TOX: variants seen among roughly 807,000 people sequenced by gnomAD.
TOX encodes the protein thymocyte selection-associated high mobility group box protein TOX.
In TOX, 11 loss-of-function variants were observed where a neutral mutation model predicts 53.7. That is an observed-to-expected ratio of 0.20 (90% confidence interval 0.13 to 0.34). The LOEUF is 0.34. TOX is among the 10% of genes least tolerant of loss of function. The pLI is 1.00. For missense variants in TOX, 570 were observed against 664.6 expected (o/e 0.86, Z 1.56); for synonymous variants, 225 against 245.3 (o/e 0.92, Z 0.77).
chr8:59,055,063 G>A (rs987503060), intron 1 of TOX, among the ~76,000 whole-genome samples: 2 of 152,136 alleles, frequency 1.3e-5, no homozygotes, highest in Non-Finnish European at 2.9e-5. Flanking sequence ...CATTGTAGTA[G>A]CTTACAGTTT....
chr8:58,807,718 C>G lies in TOX; in HGVS notation c.*29G>C. The G allele has an allele frequency of 1.2e-6, 2 of 1,613,460 alleles. No individual in the cohort carries two copies. Among genetic ancestry groups the G allele is most frequent in the African/African-American group, 1.3e-5 (1 of 75,026 alleles). ...ATGGTGAAAACACTTCCCTGAATTC[C>G]TCAGTGGAAAGAAGAGGTGTTCAGA... On this transcript the variant is annotated 3_prime_UTR_variant, in exon 9 of 9. Coordinates refer to ENST00000361421, the MANE Select transcript of TOX (RefSeq NM_014729.3).
rs1585925404 is a variant in TOX at position 58,959,957 on chromosome 8, C to G, written c.154G>C (p.Val52Leu). 3.1e-6 allele frequency: 5 copies of G among 1,614,214 alleles called. No individual in the cohort carries two copies. The highest frequency in any genetic ancestry group is 3.4e-6 in the Non-Finnish European group (4 of 1,180,046). The change falls in exon 2 of 9, where the codon GTG (valine) becomes CTG (leucine). Residue 52 changes from valine (V) to leucine (L), a missense_variant. Physicochemically the swap from Val to Leu is conservative, Grantham distance 32. Coordinates refer to ENST00000361421, the MANE Select transcript of TOX (RefSeq NM_014729.3). ...MSMTEPSQDYVPASQSYPGPS... is the reference protein window; with the variant it reads ...MSMTEPSQDYLPASQSYPGPS... ...AATTAACCCACCTGGCTGGCTGGCACATAGTCCTGGCTCGGCTCTGTCATG... is the reference window on the plus strand; with the variant it reads ...AATTAACCCACCTGGCTGGCTGGCAGATAGTCCTGGCTCGGCTCTGTCATG...
chr8:58,958,303 G>T (rs1812743796), intron 2 of TOX, among the ~76,000 whole-genome samples: 1 of 152,166 alleles, frequency 6.6e-6, no homozygotes, highest in Admixed American at 6.5e-5. Context: ...AAGTCATTAT[G>T]ATGTATATGT....
At chr8:59,033,109 T>C (rs1389690260) in intron 1 of TOX, among the ~76,000 whole-genome samples, 1 of 152,110 alleles carries the variant, frequency 6.6e-6, no homozygotes, top group African/African-American at 2.4e-5. Flanking sequence ...AAGATTCAAT[T>C]TGGATATCTC....
At chr8:58,957,272 G>C (rs1210927495) in intron 2 of TOX, among the ~76,000 whole-genome samples, 1 of 152,196 alleles carries the variant, frequency 6.6e-6, no homozygotes, top group Non-Finnish European at 1.5e-5. Flanking sequence ...TGAGTGACCA[G>C]CACACTTATA....
intron 1 of TOX, among the ~76,000 whole-genome samples, chr8:59,103,745 C>T (rs1804848951): frequency 6.6e-6 from 1 of 152,170 alleles, no homozygotes; most frequent in Non-Finnish European, 1.5e-5. Context: ...TATGTTTGGA[C>T]ACTTTAATAT....
At chr8:58,858,544 A>G (rs1585864105) in intron 3 of TOX, among the ~76,000 whole-genome samples, 1 of 152,250 alleles carries the variant, frequency 6.6e-6, no homozygotes, top group South Asian at 2.1e-4. Flanking sequence ...AATGTGGCTC[A>G]CCAGCTGCTG....
At chr8:58,964,029 T>C (rs988516618) in intron 1 of TOX, among the ~76,000 whole-genome samples, 11 of 152,078 alleles carry the variant, frequency 7.2e-5, no homozygotes, top group Non-Finnish European at 1.5e-4. Flanking sequence ...CTCAAAGTCT[T>C]ACAGTGGATT....
intron 1 of TOX, among the ~76,000 whole-genome samples, chr8:59,096,232 A>C (rs1277489388): frequency 6.6e-6 from 1 of 152,230 alleles, no homozygotes; most frequent in Non-Finnish European, 1.5e-5. Context: ...TAATTAGTTT[A>C]ATTTTCCAAC....
Position 58,808,115 on chromosome 8 carries a change from T to A in TOX, c.1544+3A>T. 1 of 1,608,444 alleles carries A rather than the reference T, an allele frequency of 6.2e-7. No individual in the cohort carries two copies. Among genetic ancestry groups the A allele is most frequent in the Non-Finnish European group, 8.5e-7 (1 of 1,177,796 alleles). On this transcript the variant is annotated splice_donor_region_variant and intron_variant, in intron 8 of 8. Coordinates refer to ENST00000361421, the MANE Select transcript of TOX (RefSeq NM_014729.3). ...CACCAGGTGGCGATGACCGGCCGCT[T>A]ACCCACTACTGCAGTAGTCGTTATT... is the stretch of plus-strand genomic sequence containing the variant.
intron 3 of TOX, among the ~76,000 whole-genome samples, chr8:58,906,147 G>T (rs1167111572): frequency 6.6e-6 from 1 of 152,110 alleles, no homozygotes; most frequent in Non-Finnish European, 1.5e-5. Flanking sequence ...TATAAACAGA[G>T]AAAAATGAAT....
intron 3 of TOX, among the ~76,000 whole-genome samples, chr8:58,900,317 T>C (rs1331126688): frequency 6.6e-6 from 1 of 152,198 alleles, no homozygotes; most frequent in Non-Finnish European, 1.5e-5. Flanking sequence ...GGCATTTATA[T>C]AATACAACCT....
intron 1 of TOX, among the ~76,000 whole-genome samples, chr8:59,114,234 A>G (rs1805064865): frequency 6.6e-6 from 1 of 152,212 alleles, no homozygotes; most frequent in Admixed American, 6.5e-5. Flanking sequence ...ATTCTCCTTA[A>G]TATCATTTAC....
intron 7 of TOX, 142 bp from the exon 8 acceptor site, chr8:58,808,411 A>G (rs1585835771): frequency 9.6e-7 from 1 of 1,037,596 alleles, no homozygotes; most frequent in Middle Eastern, 3.1e-4. Flanking sequence ...AAGAGCCCAG[A>G]AAATTTAAAA....
chr8:59,053,800 G>T (rs1376377874), intron 1 of TOX, among the ~76,000 whole-genome samples: 2 of 152,112 alleles, frequency 1.3e-5, no homozygotes, highest in Non-Finnish European at 2.9e-5. Flanking sequence ...AAGGAGAATT[G>T]TCTAATGTTT....
intron 4 of TOX, among the ~76,000 whole-genome samples, chr8:58,845,311 TTATCA>T (rs1810704409): frequency 6.6e-6 from 1 of 152,128 alleles, no homozygotes; most frequent in African/African-American, 2.4e-5. Context: ...CTTATAACTC[TTATCA>T]TATAAAGTAA....
At chr8:59,092,876 C>T (rs939280497) in intron 1 of TOX, among the ~76,000 whole-genome samples, 3 of 152,156 alleles carry the variant, frequency 2.0e-5, no homozygotes, top group East Asian at 1.9e-4. Context: ...TTTACCTCCC[C>T]GTGCCTAGAA....
chr8:58,990,779 G>T (rs532541812), intron 1 of TOX, among the ~76,000 whole-genome samples: 2 of 152,292 alleles, frequency 1.3e-5, no homozygotes, highest in African/African-American at 4.8e-5. Flanking sequence ...ATTGGGGCAG[G>T]CACTCACCTA....
intron 1 of TOX, among the ~76,000 whole-genome samples, chr8:58,962,815 G>C (rs915238672): frequency 6.6e-6 from 1 of 152,174 alleles, no homozygotes; most frequent in African/African-American, 2.4e-5. Flanking sequence ...TGTCAACCTA[G>C]TATTTGGCCT....
Sources: allele counts gnomAD v4.1 joint callset (sites outside exome capture counted in the v4.1 genomes callset), GRCh38; gene constraint gnomAD v4.1.1; transcripts MANE v1.5; gene names NCBI Gene and HGNC (gene_info 2026-07-23, HGNC 2026-07-21).